GULP1: variants seen among roughly 807,000 people sequenced by gnomAD.
GULP1 encodes GULP PTB domain containing engulfment adaptor 1.
GULP1 carries 19 observed loss-of-function variants against 40.9 expected under a neutral mutation model. The ratio of observed to expected loss-of-function variants is 0.46; its 90% CI spans 0.32 to 0.68. The LOEUF (loss-of-function observed/expected upper bound fraction) is 0.68, where lower values mean the gene tolerates loss of function less well. GULP1 is among the 30% of genes least tolerant of loss of function. The pLI is 0.03. For synonymous variants in GULP1, 119 were observed against 117.6 expected, an observed-to-expected ratio of 1.01 and a Z score of -0.08; for missense variants, 312 against 362.2, an observed-to-expected ratio of 0.86 and a Z score of 1.12.
chr2:188,509,000 C>G (rs2064221925), intron 4 of GULP1, among the ~76,000 whole-genome samples: 1 of 152,024 alleles, frequency 6.6e-6, no homozygotes, highest in African/African-American at 2.4e-5. Flanking sequence ...AGCAGCAGAG[C>G]CAGAATTCAA....
intron 2 of GULP1, among the ~76,000 whole-genome samples, chr2:188,417,185 G>A (rs888295681): frequency 6.6e-6 from 1 of 152,192 alleles, no homozygotes; most frequent in African/African-American, 2.4e-5. Flanking sequence ...ATGACAGGAA[G>A]TTCCTTTTCC....
chr2:188,440,759 A>G (rs1419316748), intron 2 of GULP1, among the ~76,000 whole-genome samples: 1 of 152,152 alleles, frequency 6.6e-6, no homozygotes, highest in Non-Finnish European at 1.5e-5. Flanking sequence ...TTTGTTATCA[A>G]CTTGAAAGTG....
At chr2:188,336,070 G>A (rs2152098554) in intron 1 of GULP1, among the ~76,000 whole-genome samples, 1 of 152,218 alleles carries the variant, frequency 6.6e-6, no homozygotes, top group South Asian at 2.1e-4. Flanking sequence ...TTACATATAT[G>A]ATTATATTTA....
intron 4 of GULP1, among the ~76,000 whole-genome samples, chr2:188,484,392 G>A (rs1372621860): frequency 1.3e-5 from 2 of 152,254 alleles, no homozygotes; most frequent in South Asian, 2.1e-4. Flanking sequence ...GTGCTATTTT[G>A]TAGTTAATTA....
At chr2:188,569,494 A>G (rs372016933) in intron 8 of GULP1, 139 bp downstream of exon 8, 9 of 670,720 alleles carry the variant, frequency 1.3e-5, no homozygotes, top group African/African-American at 9.3e-5. Flanking sequence ...CCGTGTTCCC[A>G]TAATTTTTCG....
At chr2:188,396,213 T>C (rs1356459183) in intron 2 of GULP1, among the ~76,000 whole-genome samples, 1 of 152,140 alleles carries the variant, frequency 6.6e-6, no homozygotes, top group Non-Finnish European at 1.5e-5. Flanking sequence ...AGGCAATTGG[T>C]GGGGTCATAG....
intron 1 of GULP1, among the ~76,000 whole-genome samples, chr2:188,371,640 A>G (rs2047612870): frequency 6.6e-6 from 1 of 152,164 alleles, no homozygotes; most frequent in Non-Finnish European, 1.5e-5. Flanking sequence ...CAAATTCATC[A>G]TGATCAGAAG....
intron 4 of GULP1, among the ~76,000 whole-genome samples, chr2:188,516,538 T>C (rs1205173899): frequency 6.6e-6 from 1 of 152,120 alleles, no homozygotes; most frequent in Non-Finnish European, 1.5e-5. Flanking sequence ...TCTGGGAAAG[T>C]GATTGATAGT....
chr2:188,457,078 A>C (rs1190328553), intron 2 of GULP1, among the ~76,000 whole-genome samples: 1 of 152,160 alleles, frequency 6.6e-6, no homozygotes, highest in Non-Finnish European at 1.5e-5. Context: ...TCTAGGAAGT[A>C]ACTAGCTTGC....
chr2:188,452,728 A>G (rs1319773354), intron 2 of GULP1, among the ~76,000 whole-genome samples: 2 of 152,200 alleles, frequency 1.3e-5, no homozygotes, highest in Admixed American at 6.5e-5. Flanking sequence ...TTGGGGTACT[A>G]CATGACAAGG....
intron 2 of GULP1, among the ~76,000 whole-genome samples, chr2:188,461,997 G>A (rs1392619544): frequency 3.3e-5 from 5 of 151,646 alleles, no homozygotes; most frequent in African/African-American, 7.3e-5. Flanking sequence ...TGTTTTTCTA[G>A]TTCTTTAAGA....
At chr2:188,518,348 C>T (rs764426481) in intron 4 of GULP1, among the ~76,000 whole-genome samples, 2 of 152,278 alleles carry the variant, frequency 1.3e-5, no homozygotes, top group Non-Finnish European at 2.9e-5. Context: ...ATGGTAAGCT[C>T]TGCATCATAA....
intron 6 of GULP1, among the ~76,000 whole-genome samples, chr2:188,538,346 A>G (rs1452728364): frequency 6.6e-6 from 1 of 152,076 alleles, no homozygotes; most frequent in Non-Finnish European, 1.5e-5. Flanking sequence ...TAAGAGCCCT[A>G]CTTGAATTCT....
intron 1 of GULP1, among the ~76,000 whole-genome samples, chr2:188,341,106 G>A (rs541779567): frequency 2.9e-4 from 44 of 152,030 alleles, no homozygotes; most frequent in Non-Finnish European, 5.0e-4. Flanking sequence ...CTGTGGTTCC[G>A]GGCTTGAGAG....
At chr2:188,536,694 A>G (rs1236517739) in intron 6 of GULP1, among the ~76,000 whole-genome samples, 2 of 152,096 alleles carry the variant, frequency 1.3e-5, no homozygotes, top group Non-Finnish European at 2.9e-5. Context: ...TGCAGTTTAG[A>G]ATTTTAAAAA....
At chr2:188,481,945 TC>T (rs1347576648) in intron 3 of GULP1, among the ~76,000 whole-genome samples, 1 of 151,798 alleles carries the variant, frequency 6.6e-6, no homozygotes, top group Non-Finnish European at 1.5e-5. Flanking sequence ...CATATTACTA[TC>T]CATTAGCAAT....
chr2:188,505,115 G>T (rs2063779585), intron 4 of GULP1, among the ~76,000 whole-genome samples: 1 of 151,670 alleles, frequency 6.6e-6, no homozygotes. Flanking sequence ...GGGAATTCAA[G>T]ATCAATCATC....
intron 4 of GULP1, among the ~76,000 whole-genome samples, chr2:188,484,066 G>A (rs1354107238): frequency 6.6e-6 from 1 of 152,022 alleles, no homozygotes; most frequent in Non-Finnish European, 1.5e-5. Flanking sequence ...TGGAATTACA[G>A]GCATGTGCCA....
chr2:188,518,723 A>G (rs2065435391), intron 4 of GULP1, among the ~76,000 whole-genome samples: 2 of 152,176 alleles, frequency 1.3e-5, no homozygotes, highest in South Asian at 2.1e-4. Context: ...AAACCCTAGT[A>G]TCTTCCCCTA....
Sources: gnomAD v4.1 joint callset for allele counts (sites outside exome capture counted in the v4.1 genomes callset) on GRCh38, gnomAD v4.1.1 for gene constraint, MANE v1.5 for transcripts, NCBI Gene and HGNC (gene_info 2026-07-23, HGNC 2026-07-21) for gene names.